CMSS1: variants seen among roughly 807,000 people sequenced by gnomAD.
CMSS1 encodes cms1 ribosomal small subunit homolog.
CMSS1 carries 33 observed loss-of-function variants against 43.5 expected under a neutral mutation model. That is an observed-to-expected ratio of 0.76 (90% CI 0.57 to 1.01). The LOEUF is 1.01. Among genes scored for constraint, CMSS1 ranks in the 50% least tolerant of loss-of-function variants. The pLI is 0.00. For synonymous variants in CMSS1, 115 were observed against 117.2 expected, an observed-to-expected ratio of 0.98 and a Z score of 0.12; for missense variants, 313 against 326.4, an observed-to-expected ratio of 0.96 and a Z score of 0.32.
At chr3:100,050,722 G>T (rs2065356934) in intron 1 of CMSS1, among the ~76,000 whole-genome samples, 2 of 152,056 alleles carry the variant, frequency 1.3e-5, no homozygotes. Context: ...TACAGATGGG[G>T]TTTCACCATG....
rs999783731 is a variant in CMSS1 at position 99,817,896 on chromosome 3, G to T, written c.-84G>T. ...CGGGAGCTCCGCGTGTAGCTACGCC[G>T]GCCGCCTGGCTTTGAGACAACGTGA... is the stretch of plus-strand genomic sequence containing the variant. On this transcript the variant is annotated 5_prime_UTR_variant, in exon 1 of 10. Transcript: ENST00000421999. 8.3e-6 allele frequency: 12 copies of T among 1,453,054 alleles called. No individual in the cohort carries two copies. The African/African-American group carries it at 1.7e-4, about 20-fold the overall frequency. 90.0% of individuals were successfully genotyped at this position (1,453,054 alleles called of 1,614,324 possible). A position where few individuals can be genotyped will look rare whatever the true frequency, so the allele number is the denominator to read the frequency against.
intron 1 of CMSS1, among the ~76,000 whole-genome samples, chr3:99,940,400 A>G (rs1707817211): frequency 6.6e-6 from 1 of 152,220 alleles, no homozygotes; most frequent in Non-Finnish European, 1.5e-5. Context: ...TTTCTTAGAA[A>G]TACAGTGATA....
At position 100,181,436 on chromosome 3, in the gene CMSS1, A is replaced by G. The variant is rs2067184160; in HGVS notation, c.*3048A>G. 1 of 152,224 alleles carries G rather than the reference A, an allele frequency of 6.6e-6. No homozygotes were observed. The highest frequency in any genetic ancestry group is 2.4e-5 in the African/African-American group (1 of 41,464). 9.4% of individuals were successfully genotyped at this position (152,224 alleles called of 1,614,324 possible). A position where few individuals can be genotyped will look rare whatever the true frequency, so the allele number is the denominator to read the frequency against. On this transcript the variant is annotated 3_prime_UTR_variant, in exon 10 of 10. Coordinates refer to ENST00000421999, the MANE Select transcript of CMSS1 (RefSeq NM_032359.4). ...ATAGAGTTATCAAAACTAAGAAGTC[A>G]TCACTGGTACTGTATAATTAACTAA...
intron 9 of CMSS1, among the ~76,000 whole-genome samples, chr3:100,176,904 T>C (rs2067152146): frequency 6.6e-6 from 1 of 152,242 alleles, no homozygotes; most frequent in African/African-American, 2.4e-5. Context: ...GATGTCTCAG[T>C]TGATCAGAAT....
intron 8 of CMSS1, among the ~76,000 whole-genome samples, chr3:100,173,959 A>G (rs2067129414): frequency 6.6e-6 from 1 of 152,214 alleles, no homozygotes; most frequent in Non-Finnish European, 1.5e-5. Context: ...GTTTGTTATA[A>G]AAACAAAATG....
intron 1 of CMSS1, among the ~76,000 whole-genome samples, chr3:100,024,201 A>T (rs2064877559): frequency 6.6e-6 from 1 of 152,132 alleles, no homozygotes; most frequent in African/African-American, 2.4e-5. Flanking sequence ...GTAATATTTC[A>T]CCATGGTTCT....
Position 100,147,175 on chromosome 3 carries a change from C to G in CMSS1, c.153+114C>G, listed in dbSNP as rs749058031. 168 of 1,132,994 alleles carry G rather than the reference C, an allele frequency of 1.5e-4. 1 individual carries two copies. Among genetic ancestry groups the G allele is most frequent in the Non-Finnish European group, 1.9e-4 (161 of 831,040 alleles). The allele number at this position is 1,132,994 out of a possible 1,614,324, so 70.2% of individuals were successfully genotyped here. The stretch of plus-strand genomic sequence containing the variant: ...CGGTTGTTGGTGGGATTTAAGAGAG[C>G]CTTTTACTTTCTTTCCCTTTGAAAA... On this transcript the variant is annotated intron_variant, in intron 2 of 9. Transcript: ENST00000421999.
intron 1 of CMSS1, among the ~76,000 whole-genome samples, chr3:100,034,084 TAAGAA>T (rs1225844851): frequency 2.0e-5 from 3 of 152,296 alleles, no homozygotes; most frequent in South Asian, 2.1e-4. Context: ...TTAATACACT[TAAGAA>T]AAGAAGTAAT....
At chr3:99,983,418 A>ATG (rs1355148888) in intron 1 of CMSS1, among the ~76,000 whole-genome samples, 3 of 82,074 alleles carry the variant, frequency 3.7e-5, no homozygotes, top group African/African-American at 1.6e-4. Context: ...ATATATATAT[A>ATG]TGTATGTATG....
chr3:100,079,122 C>T (rs900663767), intron 1 of CMSS1, among the ~76,000 whole-genome samples: 2 of 152,160 alleles, frequency 1.3e-5, no homozygotes, highest in Admixed American at 6.5e-5. Context: ...ATCCAGGCCT[C>T]TCTCCCCAGT....
At chr3:100,062,365 C>A (rs1031243275) in intron 1 of CMSS1, among the ~76,000 whole-genome samples, 8 of 152,042 alleles carry the variant, frequency 5.3e-5, no homozygotes, top group African/African-American at 1.9e-4. Flanking sequence ...CCCGTCTCGG[C>A]CTCTCAAAGT....
chr3:99,861,711 A>T (rs936034282), intron 1 of CMSS1, among the ~76,000 whole-genome samples: 1 of 152,178 alleles, frequency 6.6e-6, no homozygotes, highest in Non-Finnish European at 1.5e-5. Flanking sequence ...GGCAGGTGGA[A>T]TGACTGACAG....
chr3:100,083,289 C>T (rs1426219006), intron 1 of CMSS1, among the ~76,000 whole-genome samples: 1 of 152,094 alleles, frequency 6.6e-6, no homozygotes, highest in African/African-American at 2.4e-5. Context: ...TTATCTTGAC[C>T]GACTAGTTAA....
At chr3:99,924,562 A>G (rs1288268283) in intron 1 of CMSS1, among the ~76,000 whole-genome samples, 2 of 152,140 alleles carry the variant, frequency 1.3e-5, no homozygotes, top group African/African-American at 4.8e-5. Context: ...GTCGTTGCCC[A>G]GGCTGGAGTG....
chr3:100,178,196 T>C (rs1301669849), intron 9 of CMSS1, 109 bp from the exon 10 acceptor site: 1 of 621,582 alleles, frequency 1.6e-6, no homozygotes, highest in Non-Finnish European at 2.9e-6. Flanking sequence ...TCTCTGATTC[T>C]GGCCATAACA....
chr3:100,039,943 T>TG (rs1240266292), intron 1 of CMSS1: 2 of 151,962 alleles, frequency 1.3e-5, no homozygotes, highest in African/African-American at 2.4e-5. Context: ...TTAGTAGAGA[T>TG]GGGGTTTCAC....
intron 1 of CMSS1, among the ~76,000 whole-genome samples, chr3:99,980,780 C>T (rs1209123551): frequency 1.3e-5 from 2 of 152,086 alleles, no homozygotes; most frequent in Non-Finnish European, 2.9e-5. Flanking sequence ...ACAGGTGTGA[C>T]TTGTTTAAAA....
intron 1 of CMSS1, among the ~76,000 whole-genome samples, chr3:100,083,056 A>G (rs2065955895): frequency 6.6e-6 from 1 of 152,190 alleles, no homozygotes; most frequent in Admixed American, 6.5e-5. Flanking sequence ...ATGAAATTAC[A>G]ATTATTTTCC....
chr3:99,970,814 A>G (rs1431796265), intron 1 of CMSS1, among the ~76,000 whole-genome samples: 1 of 152,234 alleles, frequency 6.6e-6, no homozygotes, highest in Non-Finnish European at 1.5e-5. Context: ...ACAGCCAGCC[A>G]CAGAAAGATT....
Sources: gnomAD v4.1 joint callset for allele counts (sites outside exome capture counted in the v4.1 genomes callset) on GRCh38, gnomAD v4.1.1 for gene constraint, MANE v1.5 for transcripts, NCBI Gene and HGNC (gene_info 2026-07-23, HGNC 2026-07-21) for gene names.